Variants in UBE2D4 observed in about 807,000 individuals in gnomAD.
UBE2D4 encodes the protein ubiquitin-conjugating enzyme E2 D4.
In UBE2D4, 17 loss-of-function variants were observed where a neutral mutation model predicts 23.0. The observed-to-expected ratio is 0.74, with a 90% CI of 0.51 to 1.11. UBE2D4 has a LOEUF of 1.11. Ranked by LOEUF, UBE2D4 falls within the 50% of genes least tolerant of loss-of-function variation. The pLI is 0.00. For synonymous variants in UBE2D4, 61 were observed against 69.4 expected, an observed-to-expected ratio of 0.88 and a Z score of 0.60; for missense variants, 139 against 181.8, an observed-to-expected ratio of 0.76 and a Z score of 1.35.
chr7:43,950,401 G>C (rs1255574065), intron 5 of UBE2D4, among the ~76,000 whole-genome samples, 198 bp from the exon 6 acceptor site: 1 of 152,158 alleles, frequency 6.6e-6, no homozygotes, highest in East Asian at 1.9e-4. Context: ...AGCACAGCAT[G>C]CCTCAGGCCA....
chr7:43,940,466 T>TGCTCA (rs1229768433), intron 2 of UBE2D4, among the ~76,000 whole-genome samples: 1 of 152,220 alleles, frequency 6.6e-6, no homozygotes, highest in Non-Finnish European at 1.5e-5. Flanking sequence ...AGCTCCTTGA[T>TGCTCA]GCTCAGCTCA....
intron 1 of UBE2D4, among the ~76,000 whole-genome samples, chr7:43,929,198 G>A (rs1218702614): frequency 1.3e-5 from 2 of 152,128 alleles, no homozygotes; most frequent in African/African-American, 4.8e-5. Context: ...GCCAAGGCGG[G>A]TGTATCATTT....
At chr7:43,934,134 C>T (rs1033429426) in intron 1 of UBE2D4, among the ~76,000 whole-genome samples, 1 of 152,020 alleles carries the variant, frequency 6.6e-6, no homozygotes, top group African/African-American at 2.4e-5. Flanking sequence ...AATTCCATGT[C>T]AAGCAACCAA....
Position 43,933,013 on chromosome 7 carries a change from T to TATATAC in UBE2D4, c.25-5417_25-5416insTATACA, listed in dbSNP as rs1340458201. ...ATATATATATATATATATATATATA[T>TATATAC]ACACACACATATATATACACATATG... On this transcript the variant is annotated intron_variant, in intron 1 of 6. Transcript: ENST00000222402. 8.6e-3 allele frequency among the ~76,000 whole-genome samples: 1,002 copies of TATATAC among 116,616 alleles called. 87 individuals are homozygous for TATATAC. Among genetic ancestry groups the TATATAC allele is most frequent in the East Asian group, 0.037 (139 of 3,740 alleles). The allele number at this position is 116,616 out of a possible 152,430, so 76.5% of individuals were successfully genotyped here.
At chr7:43,937,854 T>C (rs1305553900) in intron 1 of UBE2D4, among the ~76,000 whole-genome samples, 1 of 95,222 alleles carries the variant, frequency 1.1e-5, no homozygotes, top group Non-Finnish European at 2.2e-5. Context: ...GTGTTAAACT[T>C]TGGCTCACGT....
chr7:43,942,474 C>G, intron 2 of UBE2D4: 2 of 450,786 alleles, frequency 4.4e-6, no homozygotes, highest in Non-Finnish European at 4.1e-6. Context: ...AGTGAGCATT[C>G]CTGATTGGGT....
In UBE2D4 at chr7:43,953,617, C is replaced by T. The variant is rs2096007729; in HGVS notation, c.*922C>T. 1 of 191,318 alleles carries T rather than the reference C, an allele frequency of 5.2e-6. No individual in the cohort carries two copies. Among genetic ancestry groups the T allele is most frequent in the Non-Finnish European group, 1.1e-5 (1 of 90,790 alleles). The allele number at this position is 191,318 out of a possible 1,614,324, so 11.9% of individuals were successfully genotyped here. On this transcript the variant is annotated 3_prime_UTR_variant, in exon 7 of 7. Transcript: ENST00000222402. The stretch of plus-strand genomic sequence containing the variant: ...TCTTTTAGGCAAAACAGAAGATACA[C>T]ACTATTAACAGTTATTTGAAGCCTT...
intron 1 of UBE2D4, among the ~76,000 whole-genome samples, chr7:43,934,571 A>G (rs1003175596): frequency 6.6e-6 from 1 of 151,852 alleles, no homozygotes. Context: ...TTTGAAACAG[A>G]ATCTCACTCT....
chr7:43,929,558 T>G lies in UBE2D4; in HGVS notation c.24+3002T>G, dbSNP rs139631753. ...TGAGCCCAGGAGGTCAAGGCTGCAGTGAGCCTCACCACTGCACTCCAGCCT... is the reference window on the plus strand; with the variant it reads ...TGAGCCCAGGAGGTCAAGGCTGCAGGGAGCCTCACCACTGCACTCCAGCCT... On this transcript the variant is annotated intron_variant, in intron 1 of 6. Transcript: ENST00000222402. Among the ~76,000 whole-genome samples, 794 of 151,812 alleles carry G rather than the reference T, an allele frequency of 5.2e-3. 11 individuals carry two copies. The highest frequency in any genetic ancestry group is 0.018 in the African/African-American group (747 of 41,370).
intron 4 of UBE2D4, 27 bp from the exon 5 acceptor site, chr7:43,948,605 C>A: frequency 6.8e-7 from 1 of 1,474,784 alleles, no homozygotes; most frequent in Non-Finnish European, 9.5e-7. Flanking sequence ...TGTGGTTTGT[C>A]TGATTGGGGA....
chr7:43,952,646 C>G lies in UBE2D4; in HGVS notation c.399-4C>G. ...GTGTCACTTCCTCTGCTTTTTTATTCCAGGTACAACAGACTAGCAAGAGAG... is the reference window on the plus strand; with the variant it reads ...GTGTCACTTCCTCTGCTTTTTTATTGCAGGTACAACAGACTAGCAAGAGAG... On this transcript the variant is annotated splice_region_variant and splice_polypyrimidine_tract_variant and intron_variant, in intron 6 of 6. Transcript: ENST00000222402. 1 of 1,613,512 alleles carries G rather than the reference C, an allele frequency of 6.2e-7. No homozygotes were observed. Among genetic ancestry groups the G allele is most frequent in the East Asian group, 2.2e-5 (1 of 44,878 alleles).
rs1329082795 is a variant in UBE2D4 at position 43,943,304 on chromosome 7, C to G, written c.198+273C>G. 3 of 563,712 alleles carry G rather than the reference C, an allele frequency of 5.3e-6. No homozygotes were observed. In the African/African-American group the frequency reaches 5.6e-5, roughly 11 times the overall value. The allele number at this position is 563,712 out of a possible 1,614,324, so 34.9% of individuals were successfully genotyped here. On this transcript the variant is annotated intron_variant, in intron 4 of 6. Transcript: ENST00000222402. Reference sequence around the variant, plus strand: ...CCTTGTGACTGTAGCTGAGTCTGGTCATGTCTCCAGGCTCTGGCTCCCTTC... The same window carrying G: ...CCTTGTGACTGTAGCTGAGTCTGGTGATGTCTCCAGGCTCTGGCTCCCTTC...
rs980048735 is a variant in UBE2D4, at chr7:43,953,453, T to C, written c.*758T>C. 6.0e-6 allele frequency: 2 copies of C among 332,024 alleles called. No individual in the cohort carries two copies. The highest frequency in any genetic ancestry group is 1.2e-5 in the Non-Finnish European group (2 of 169,926). 20.6% of individuals were successfully genotyped at this position (332,024 alleles called of 1,614,324 possible). A position where few individuals can be genotyped will look rare whatever the true frequency, so the allele number is the denominator to read the frequency against. Reference sequence around the variant, plus strand: ...GATGAAGATTCTCACTACCGCCCGCTCCTCCCATAGGAGCCTACACTAAGT... The same window carrying C: ...GATGAAGATTCTCACTACCGCCCGCCCCTCCCATAGGAGCCTACACTAAGT... On this transcript the variant is annotated 3_prime_UTR_variant, in exon 7 of 7. Transcript: ENST00000222402.
intron 4 of UBE2D4, among the ~76,000 whole-genome samples, chr7:43,948,386 A>T (rs775401615): frequency 6.6e-6 from 1 of 151,966 alleles, no homozygotes; most frequent in Admixed American, 6.6e-5. Context: ...TTTCAGGGAG[A>T]TGGTATCAAT....
At chr7:43,952,057 G>GT (rs1400248412) in intron 6 of UBE2D4, 1 of 152,244 alleles carries the variant, frequency 6.6e-6, no homozygotes, top group Non-Finnish European at 1.5e-5. Context: ...AATGATGAGA[G>GT]TAAGTGCACA....
At chr7:43,949,392 T>C (rs1008711481) in intron 5 of UBE2D4, among the ~76,000 whole-genome samples, 1 of 152,072 alleles carries the variant, frequency 6.6e-6, no homozygotes, top group Non-Finnish European at 1.5e-5. Context: ...TGGCCTAAAT[T>C]TTAAATTTTT....
rs1177536295 is a variant in UBE2D4 at position 43,944,054 on chromosome 7, G to A, written c.198+1023G>A. On this transcript the variant is annotated intron_variant, in intron 4 of 6. Coordinates refer to ENST00000222402, the MANE Select transcript of UBE2D4 (RefSeq NM_015983.4). This position sits in a 1 kb window ranked among gnomAD's most constrained non-coding sequence, Gnocchi z 4.0. Reference sequence around the variant, plus strand: ...GTGAGGAGTTGGGAAGGAGGCCAGAGGGGTACGGATGGCCCCAGGAGTAGG... The same window carrying A: ...GTGAGGAGTTGGGAAGGAGGCCAGAAGGGTACGGATGGCCCCAGGAGTAGG... 6.6e-6 allele frequency: 1 copy of A among 152,554 alleles called. No individual in the cohort carries two copies. The highest frequency in any genetic ancestry group is 1.5e-5 in the Non-Finnish European group (1 of 68,330). 9.5% of individuals were successfully genotyped at this position (152,554 alleles called of 1,614,324 possible). A position where few individuals can be genotyped will look rare whatever the true frequency, so the allele number is the denominator to read the frequency against.
chr7:43,936,661 C>T (rs554116054), intron 1 of UBE2D4, among the ~76,000 whole-genome samples: 1 of 152,234 alleles, frequency 6.6e-6, no homozygotes, highest in South Asian at 2.1e-4. Flanking sequence ...CTACTTATTC[C>T]TCTCCCTTTT....
At chr7:43,948,138 C>T (rs778902762) in intron 4 of UBE2D4, among the ~76,000 whole-genome samples, 7 of 152,108 alleles carry the variant, frequency 4.6e-5, no homozygotes, top group African/African-American at 7.2e-5. Context: ...CCCATTCTGT[C>T]GGTTGCCTGT....
Sources: allele counts gnomAD v4.1 joint callset (sites outside exome capture counted in the v4.1 genomes callset), GRCh38; gene constraint gnomAD v4.1.1; non-coding constraint Gnocchi (gnomAD v3.1); transcripts MANE v1.5; gene names NCBI Gene and HGNC (gene_info 2026-07-23, HGNC 2026-07-21).